The following PACSIN2 variants were observed in gnomAD, a reference collection of about 807,000 sequenced individuals.
PACSIN2 encodes protein kinase C and casein kinase substrate in neurons protein 2.
In PACSIN2, 25 loss-of-function variants were observed where a neutral mutation model predicts 63.8. The ratio of observed to expected loss-of-function variants is 0.39; its 90% CI spans 0.29 to 0.55. PACSIN2 has a LOEUF of 0.55. Among genes scored for constraint, PACSIN2 ranks in the 20% least tolerant of loss-of-function variants. The probability of loss-of-function intolerance (pLI) is 0.62; values close to 1 mark genes in which losing one functional copy is unlikely to be tolerated. For synonymous variants in PACSIN2, 255 were observed against 256.2 expected (o/e 1.00, Z 0.05); for missense variants, 518 against 646.9 (o/e 0.80, Z 2.16).
chr22:42,910,707 C>T (rs924569767), intron 2 of PACSIN2, among the ~76,000 whole-genome samples: 7 of 145,230 alleles, frequency 4.8e-5, no homozygotes, highest in Middle Eastern at 3.4e-3. Context: ...TGTGCCTCTC[C>T]GGCTGCTGAA....
chr22:42,894,124 C>T (rs976611969), intron 2 of PACSIN2, among the ~76,000 whole-genome samples: 5 of 152,220 alleles, frequency 3.3e-5, no homozygotes, highest in Admixed American at 2.0e-4. Context: ...CCTCCAAATA[C>T]TGTCTCCCCT....
intron 1 of PACSIN2, among the ~76,000 whole-genome samples, chr22:42,924,919 G>A (rs577531136): frequency 6.6e-6 from 1 of 152,032 alleles, no homozygotes; most frequent in East Asian, 2.0e-4. Context: ...ACTACGCCCA[G>A]CTAATTTTTT....
intron 1 of PACSIN2, among the ~76,000 whole-genome samples, chr22:42,931,918 T>C (rs558076951): frequency 6.6e-6 from 1 of 152,300 alleles, no homozygotes; most frequent in East Asian, 1.9e-4. Flanking sequence ...AAACGTTTAA[T>C]GTTTTCCCAT....
At chr22:42,882,113 A>G in intron 7 of PACSIN2, 71 bp downstream of exon 7, 3 of 1,536,182 alleles carry the variant, frequency 2.0e-6, no homozygotes, top group Middle Eastern at 1.7e-4. Flanking sequence ...TGAGAAAGAC[A>G]TCATCTAGCA....
chr22:42,910,767 AG>A (rs1931399521), intron 2 of PACSIN2, among the ~76,000 whole-genome samples: 1 of 152,140 alleles, frequency 6.6e-6, no homozygotes, highest in Non-Finnish European at 1.5e-5. Context: ...CCACCAGCCG[AG>A]GGGTGGCAGC....
intron 1 of PACSIN2, among the ~76,000 whole-genome samples, chr22:43,011,171 G>C (rs375840361): frequency 1.3e-4 from 20 of 152,304 alleles, no homozygotes; most frequent in African/African-American, 4.3e-4. Context: ...TGAGGGATCA[G>C]TGCCCTGGCC....
chr22:42,914,975 C>T (rs1265342153), intron 1 of PACSIN2, among the ~76,000 whole-genome samples: 1 of 152,076 alleles, frequency 6.6e-6, no homozygotes, highest in Non-Finnish European at 1.5e-5. Flanking sequence ...GCAATCCTCT[C>T]GCCTCAGCCT....
intron 1 of PACSIN2, among the ~76,000 whole-genome samples, chr22:42,967,739 T>G (rs1028698877): frequency 2.0e-5 from 3 of 151,958 alleles, no homozygotes; most frequent in Non-Finnish European, 4.4e-5. Flanking sequence ...ATACAAAAAA[T>G]TAGCCGGGCG....
At chr22:42,978,119 C>T (rs1178666445) in intron 1 of PACSIN2, among the ~76,000 whole-genome samples, 1 of 152,186 alleles carries the variant, frequency 6.6e-6, no homozygotes, top group Non-Finnish European at 1.5e-5. Context: ...CAATGAGCAC[C>T]TACAACCTGC....
chr22:42,970,221 C>T (rs554523330), intron 1 of PACSIN2, among the ~76,000 whole-genome samples: 2 of 152,170 alleles, frequency 1.3e-5, no homozygotes, highest in Admixed American at 6.5e-5. Context: ...AAAGTAAACC[C>T]GCAAGGTTAA....
At chr22:42,878,538 T>C (rs1354794639) in intron 8 of PACSIN2, among the ~76,000 whole-genome samples, 2 of 152,178 alleles carry the variant, frequency 1.3e-5, no homozygotes, top group African/African-American at 4.8e-5. Context: ...AATGACTAAG[T>C]CAGAAATAAC....
rs535685619 is a variant in PACSIN2 at position 43,011,658 on chromosome 22, C to T, written c.-78+3363G>A. On this transcript the variant is annotated intron_variant, in intron 1 of 10. Coordinates refer to ENST00000263246, the MANE Select transcript of PACSIN2 (RefSeq NM_001184970.3). Reference sequence around the variant, plus strand: ...CTGCGAGGCCGAGGCGGGCAGATCACTGGAGGTCAGGAGTTCCAGATCAGC... The same window carrying T: ...CTGCGAGGCCGAGGCGGGCAGATCATTGGAGGTCAGGAGTTCCAGATCAGC... 3.3e-5 allele frequency among the ~76,000 whole-genome samples: 5 copies of T among 152,320 alleles called. No homozygotes were observed. The South Asian group carries it at 8.3e-4, about 25-fold the overall frequency.
chr22:42,899,548 T>G (rs1481071304), intron 2 of PACSIN2, among the ~76,000 whole-genome samples: 12 of 151,824 alleles, frequency 7.9e-5, no homozygotes, highest in Admixed American at 6.6e-5. Flanking sequence ...AAAGGCCAAG[T>G]GTGGGCAGAG....
chr22:43,009,865 A>T (rs5759088), intron 1 of PACSIN2, among the ~76,000 whole-genome samples: 31,707 of 75,510 alleles, frequency 0.42, 5,493 homozygotes, highest in East Asian at 0.77. Context: ...TATTTTTTCT[A>T]TTTTTTTTTT....
chr22:42,887,639 T>C (rs1328420887), intron 5 of PACSIN2, among the ~76,000 whole-genome samples: 1 of 151,772 alleles, frequency 6.6e-6, no homozygotes, highest in Admixed American at 6.6e-5. Context: ...CCCTCATGGC[T>C]GACCAAAGGA....
At chr22:43,014,676 G>T (rs116726902) in intron 1 of PACSIN2, among the ~76,000 whole-genome samples, 1 of 135,720 alleles carries the variant, frequency 7.4e-6, no homozygotes, top group Non-Finnish European at 1.6e-5. Context: ...CTTAACCCCC[G>T]ACGGCCCTGC....
In PACSIN2 at chr22:43,010,398, A is replaced by ATATATATATATATATATATATATATT; in HGVS notation, c.-78+4622_-78+4623insAATATATATATATATATATATATATA. Among the ~76,000 whole-genome samples the ATATATATATATATATATATATATATT allele has an allele frequency of 1.0e-3, 126 of 126,372 alleles. 2 individuals carry two copies. Among genetic ancestry groups the ATATATATATATATATATATATATATT allele is most frequent in the Non-Finnish European group, 1.7e-3 (100 of 58,130 alleles). 82.9% of individuals were successfully genotyped at this position (126,372 alleles called of 152,430 possible). A position where few individuals can be genotyped will look rare whatever the true frequency, so the allele number is the denominator to read the frequency against. On this transcript the variant is annotated intron_variant, in intron 1 of 10. Transcript: ENST00000263246. The stretch of plus-strand genomic sequence containing the variant: ...TGTTTAAAAATACATATATATATAT[A>ATATATATATATATATATATATATATT]TTTTTTTTTAATTGAAAATAAAAAA...
intron 2 of PACSIN2, among the ~76,000 whole-genome samples, chr22:42,894,181 G>A (rs1229758360): frequency 6.6e-6 from 1 of 151,988 alleles, no homozygotes; most frequent in East Asian, 1.9e-4. Context: ...GGAAACAAAG[G>A]CTTAGAGAAG....
At chr22:42,894,883 T>C (rs1480229199) in intron 2 of PACSIN2, among the ~76,000 whole-genome samples, 2 of 152,008 alleles carry the variant, frequency 1.3e-5, no homozygotes, top group African/African-American at 4.8e-5. Context: ...TTTTACCTTT[T>C]CTAAAATCTC....
Sources: allele counts gnomAD v4.1 joint callset (sites outside exome capture counted in the v4.1 genomes callset), GRCh38; gene constraint gnomAD v4.1.1; transcripts MANE v1.5; gene names NCBI Gene and HGNC (gene_info 2026-07-23, HGNC 2026-07-21).